Variants in FAM120A observed in about 807,000 individuals in gnomAD.
FAM120A encodes the protein constitutive coactivator of PPAR-gamma-like protein 1.
A neutral mutation model predicts 109.7 loss-of-function variants in FAM120A; 15 were observed. That is an observed-to-expected ratio of 0.14 (90% CI 0.09 to 0.21). The LOEUF (loss-of-function observed/expected upper bound fraction) is 0.21, where lower values mean the gene tolerates loss of function less well. Ranked by LOEUF, FAM120A falls within the 10% of genes least tolerant of loss-of-function variation. The probability of loss-of-function intolerance (pLI) is 1.00; values close to 1 mark genes in which losing one functional copy is unlikely to be tolerated. For synonymous variants in FAM120A, 493 were observed against 572.8 expected (o/e 0.86, Z 1.99); for missense variants, 899 against 1,439.3 (o/e 0.62, Z 6.07).
chr9:93,482,626 A>G (rs1305005967), intron 3 of FAM120A, among the ~76,000 whole-genome samples: 14 of 152,144 alleles, frequency 9.2e-5, no homozygotes, highest in Admixed American at 9.2e-4. Context: ...CTGAGAGAGT[A>G]GTGAGGAGGG....
intron 1 of FAM120A, among the ~76,000 whole-genome samples, chr9:93,461,416 C>A (rs1857785965): frequency 6.6e-6 from 1 of 152,122 alleles, no homozygotes; most frequent in East Asian, 1.9e-4. Flanking sequence ...GAAGAGTTTG[C>A]AAGTGTTACT....
At position 93,564,477 on chromosome 9, in the gene FAM120A, T is replaced by C; in HGVS notation, c.3294T>C (p.Ser1098=). The change falls in exon 18 of 18, where the codon AGT becomes AGC. Residue 1098 remains serine, a synonymous_variant. Coordinates refer to ENST00000277165, the MANE Select transcript of FAM120A (RefSeq NM_014612.5). ...CAAATCCTCATTTAAATGCACTAAGTACAGACAGCGCTTGCCGCAGAGAAG... is the reference window on the plus strand; with the variant it reads ...CAAATCCTCATTTAAATGCACTAAGCACAGACAGCGCTTGCCGCAGAGAAG... The part of the protein sequence containing the change: ...CNTNPHLNAL[S]TDSACRREAA... 3 of 1,614,138 alleles carry C rather than the reference T, an allele frequency of 1.9e-6. No individual in the cohort carries two copies. The highest frequency in any genetic ancestry group is 2.2e-5 in the East Asian group (1 of 44,886).
At chr9:93,519,532 C>T (rs747158664) in intron 7 of FAM120A, among the ~76,000 whole-genome samples, 25 of 152,154 alleles carry the variant, frequency 1.6e-4, no homozygotes, top group Middle Eastern at 3.4e-3. Context: ...CGTGACCCAC[C>T]GTGCCTGGCC....
At chr9:93,455,997 T>A (rs1857534704) in intron 1 of FAM120A, among the ~76,000 whole-genome samples, 1 of 152,234 alleles carries the variant, frequency 6.6e-6, no homozygotes, top group Admixed American at 6.5e-5. Flanking sequence ...TTATTTCTTT[T>A]ACAGAGTAGT....
At chr9:93,545,961 T>C (rs1861873354) in intron 11 of FAM120A, among the ~76,000 whole-genome samples, 1 of 151,752 alleles carries the variant, frequency 6.6e-6, no homozygotes, top group Admixed American at 6.6e-5. Context: ...ATTTTTTGTA[T>C]TTTTCGTAGA....
At chr9:93,473,936 AT>A (rs1314501668) in intron 2 of FAM120A, among the ~76,000 whole-genome samples, 1 of 152,226 alleles carries the variant, frequency 6.6e-6, no homozygotes, top group Non-Finnish European at 1.5e-5. Context: ...TGAAAATCAT[AT>A]GCTCTTAGAA....
chr9:93,471,058 CT>C, intron 1 of FAM120A, 82 bp from the exon 2 acceptor site: 1 of 1,484,986 alleles, frequency 6.7e-7, no homozygotes, highest in East Asian at 2.3e-5. Context: ...GATTTTTCAG[CT>C]TCTGTGCAAA....
chr9:93,553,101 C>A lies in FAM120A; in HGVS notation c.2274+2410C>A, dbSNP rs192211945. On this transcript the variant is annotated intron_variant, in intron 12 of 17. Coordinates refer to ENST00000277165, the MANE Select transcript of FAM120A (RefSeq NM_014612.5). ...GAATAATTGAGAGTGTTCCATGTGG[C>A]TCCTTAAATACCTGTGACAGTGATT... 7.9e-5 allele frequency among the ~76,000 whole-genome samples: 12 copies of A among 152,314 alleles called. No individual in the cohort carries two copies. In the East Asian group the frequency reaches 1.9e-3, roughly 24 times the overall value.
intron 10 of FAM120A, among the ~76,000 whole-genome samples, chr9:93,533,821 C>A (rs4237221): frequency 0.56 from 84,890 of 152,014 alleles, 24,419 homozygotes; most frequent in African/African-American, 0.69. Context: ...TCAGTTTCAG[C>A]GCACTGCAGT....
chr9:93,551,503 CTTGTT>C (rs1490808813), intron 12 of FAM120A, among the ~76,000 whole-genome samples: 10 of 151,852 alleles, frequency 6.6e-5, no homozygotes, highest in Admixed American at 2.6e-4. Context: ...GCCATCAGTT[CTTGTT>C]TTGTTTTATT....
chr9:93,553,031 T>A (rs1485737958), intron 12 of FAM120A, among the ~76,000 whole-genome samples: 1 of 152,236 alleles, frequency 6.6e-6, no homozygotes, highest in Non-Finnish European at 1.5e-5. Context: ...AATGAATTTT[T>A]AAGAATTTCA....
intron 8 of FAM120A, 52 bp downstream of exon 8, chr9:93,527,294 C>T: frequency 7.8e-7 from 1 of 1,281,020 alleles, no homozygotes; most frequent in Admixed American, 1.7e-5. Context: ...TTTGTATTAG[C>T]ACACTGTATT....
chr9:93,498,717 A>AT lies in FAM120A; in HGVS notation c.934-71dup. Reference sequence around the variant, plus strand: ...CTGTAGAATATTATACATGTGCTGAATTATAAAAAACATTGTGATACACAT... The same window carrying AT: ...CTGTAGAATATTATACATGTGCTGAATTTATAAAAAACATTGTGATACACAT... On this transcript the variant is annotated intron_variant, in intron 4 of 17. Transcript: ENST00000277165. The surrounding 1 kb of genome is among the most constrained non-coding windows in gnomAD (Gnocchi z 4.4). 3.4e-6 allele frequency: 3 copies of AT among 877,764 alleles called. No homozygotes were observed. The highest frequency in any genetic ancestry group is 5.8e-6 in the Non-Finnish European group (3 of 516,966). 54.4% of individuals were successfully genotyped at this position (877,764 alleles called of 1,614,324 possible). A position where few individuals can be genotyped will look rare whatever the true frequency, so the allele number is the denominator to read the frequency against.
At chr9:93,460,866 C>A (rs1857766010) in intron 1 of FAM120A, among the ~76,000 whole-genome samples, 1 of 152,208 alleles carries the variant, frequency 6.6e-6, no homozygotes, top group South Asian at 2.1e-4. Context: ...GTCAGCTTGG[C>A]CACCTGGTGC....
At chr9:93,562,146 T>TA (rs1862490406) in intron 16 of FAM120A, 62 bp from the exon 17 acceptor site, 1 of 1,298,004 alleles carries the variant, frequency 7.7e-7, no homozygotes, top group South Asian at 1.2e-5. Context: ...CATTTGATAC[T>TA]ATTTTAAATG....
intron 1 of FAM120A, chr9:93,453,208 A>T: frequency 2.0e-6 from 2 of 1,005,496 alleles, no homozygotes; most frequent in Non-Finnish European, 2.4e-6. Context: ...TTTCGGGTGC[A>T]CAGTAAGTAT....
chr9:93,474,191 T>C (rs1328995147), intron 2 of FAM120A, among the ~76,000 whole-genome samples: 1 of 152,134 alleles, frequency 6.6e-6, no homozygotes, highest in Non-Finnish European at 1.5e-5. Context: ...GTTGTTGTTG[T>C]TGTTGTTGTT....
At chr9:93,537,527 A>G (rs539065071) in intron 10 of FAM120A, among the ~76,000 whole-genome samples, 1 of 152,354 alleles carries the variant, frequency 6.6e-6, no homozygotes. Context: ...ACAGGCTTAT[A>G]AGAAGCAGAC....
chr9:93,505,115 C>T (rs1266427984), intron 5 of FAM120A, among the ~76,000 whole-genome samples: 2 of 123,538 alleles, frequency 1.6e-5, no homozygotes, highest in African/African-American at 6.4e-5. Context: ...GGCTGGAGTG[C>T]AGTGGCGCAA....
Sources: allele counts gnomAD v4.1 joint callset (sites outside exome capture counted in the v4.1 genomes callset), GRCh38; gene constraint gnomAD v4.1.1; non-coding constraint Gnocchi (gnomAD v3.1); transcripts MANE v1.5; gene names NCBI Gene and HGNC (gene_info 2026-07-23, HGNC 2026-07-21).